TMPPE: variants seen among roughly 807,000 people sequenced by gnomAD.
TMPPE encodes transmembrane protein with metallophosphoesterase domain.
TMPPE carries 16 observed loss-of-function variants against 22.6 expected under a neutral mutation model. That is an observed-to-expected ratio of 0.71 (90% CI 0.48 to 1.08). TMPPE has a LOEUF of 1.08. Among genes scored for constraint, TMPPE ranks in the 50% least tolerant of loss-of-function variants. TMPPE has a pLI of 0.00. For missense variants in TMPPE, 526 were observed against 584.3 expected (o/e 0.90, Z 1.03); for synonymous variants, 240 against 245.3 (o/e 0.98, Z 0.20).
At position 33,091,640 on chromosome 3, in the gene TMPPE, C is replaced by T. The variant is rs1700767496; in HGVS notation, c.*1194G>A. 3 of 984,254 alleles carry T rather than the reference C, an allele frequency of 3.0e-6. No individual in the cohort carries two copies. The highest frequency in any genetic ancestry group is 5.2e-4 in the Middle Eastern group (1 of 1,910). The allele number at this position is 984,254 out of a possible 1,614,324, so 61.0% of individuals were successfully genotyped here. A position where few individuals can be genotyped will look rare whatever the true frequency, so the allele number is the denominator to read the frequency against. ...TGACAAAACAATCTTGAGGTAGATACGATAATTATCCCCATTTTAGGGTTG... is the reference window on the plus strand; with the variant it reads ...TGACAAAACAATCTTGAGGTAGATATGATAATTATCCCCATTTTAGGGTTG... On this transcript the variant is annotated 3_prime_UTR_variant, in exon 2 of 2. Transcript: ENST00000342462.
intron 1 of TMPPE, among the ~76,000 whole-genome samples, chr3:33,095,361 C>T (rs1700977987): frequency 1.3e-5 from 2 of 149,034 alleles, no homozygotes; most frequent in Non-Finnish European, 3.0e-5. Context: ...ACTAAAAATA[C>T]AAAAAAAGAA....
At position 33,096,796 on chromosome 3, in the gene TMPPE, C is replaced by A; in HGVS notation, c.-186G>T. 7.4e-7 allele frequency: 1 copy of A among 1,348,870 alleles called. No homozygotes were observed. Among genetic ancestry groups the A allele is most frequent in the Non-Finnish European group, 9.5e-7 (1 of 1,054,660 alleles). The allele number at this position is 1,348,870 out of a possible 1,614,324, so 83.6% of individuals were successfully genotyped here. A position where few individuals can be genotyped will look rare whatever the true frequency, so the allele number is the denominator to read the frequency against. On this transcript the variant is annotated 5_prime_UTR_variant, in exon 1 of 2. Coordinates refer to ENST00000342462, the MANE Select transcript of TMPPE (RefSeq NM_001039770.3). The stretch of plus-strand genomic sequence containing the variant: ...GGCCGGAGCGGAACGCACAAGCGAC[C>A]GAGCTGCCTGGAAGGACGCGCGCCC...
At position 33,093,607 on chromosome 3, in the gene TMPPE, T is replaced by C. The variant is rs1449115194; in HGVS notation, c.589A>G (p.Ile197Val). ...TTCATTGAGGCAGGCAGCTGATGGATGGGCACCTCCACAGTTTTCACAGCC... is the reference window on the plus strand; with the variant it reads ...TTCATTGAGGCAGGCAGCTGATGGACGGGCACCTCCACAGTTTTCACAGCC... ...PPAVKTVEVP[I>V]HQLPASMNNL... The change falls in exon 2 of 2, where the codon ATC becomes GTC. Residue 197 changes from isoleucine to valine, a missense_variant. Transcript: ENST00000342462. The surrounding 1 kb of genome is among the most constrained non-coding windows in gnomAD (Gnocchi z 6.0). 1.9e-6 allele frequency: 3 copies of C among 1,614,132 alleles called. No individual in the cohort carries two copies. Among genetic ancestry groups the C allele is most frequent in the Non-Finnish European group, 8.5e-7 (1 of 1,180,008 alleles).
Position 33,096,888 on chromosome 3 carries a change from G to C in TMPPE, c.-278C>G. On this transcript the variant is annotated 5_prime_UTR_variant, in exon 1 of 2. Coordinates refer to ENST00000342462, the MANE Select transcript of TMPPE (RefSeq NM_001039770.3). The stretch of plus-strand genomic sequence containing the variant: ...CGTTCCGCCGGCCGCGAGCCTGCTG[G>C]GGGGCACTTCGGGGCTCAGGCTCCC... 6.7e-7 allele frequency: 1 copy of C among 1,484,478 alleles called. No individual in the cohort carries two copies. Among genetic ancestry groups the C allele is most frequent in the East Asian group, 2.8e-5 (1 of 35,118 alleles). The allele number at this position is 1,484,478 out of a possible 1,614,324, so 92.0% of individuals were successfully genotyped here.
In TMPPE at chr3:33,097,064, T is replaced by G. The variant is rs374616396; in HGVS notation, c.-454A>C. ...AGCAGAACCAGCAACAGAGGGAGGA[T>G]GCGAACCAGGAACCCCGGCATGACC... On this transcript the variant is annotated 5_prime_UTR_variant, in exon 1 of 2. Coordinates refer to ENST00000342462, the MANE Select transcript of TMPPE (RefSeq NM_001039770.3). The G allele has an allele frequency of 6.2e-7, 1 of 1,612,464 alleles. No individual in the cohort carries two copies. The highest frequency in any genetic ancestry group is 1.1e-5 in the South Asian group (1 of 90,944).
chr3:33,096,399 C>T (rs1440378503), intron 1 of TMPPE: 2 of 479,918 alleles, frequency 4.2e-6, no homozygotes, highest in Non-Finnish European at 5.4e-6. Flanking sequence ...CCTGCCTATT[C>T]CCCCCCTCAA....
In TMPPE at chr3:33,093,120, C is replaced by T; in HGVS notation, c.1076G>A (p.Ser359Asn). The T allele has an allele frequency of 6.2e-7, 1 of 1,614,204 alleles. No homozygotes were observed. The highest frequency in any genetic ancestry group is 8.5e-7 in the Non-Finnish European group (1 of 1,180,034). Residue 359 changes from serine to asparagine, a missense_variant, in exon 2 of 2, where the codon AGC (serine) becomes AAC (asparagine). By Grantham distance (46) the Ser-to-Asn change is conservative (BLOSUM62 1). Transcript: ENST00000342462. The surrounding 1 kb of genome is among the most constrained non-coding windows in gnomAD (Gnocchi z 6.0). ...TAGCAAGATGATTGTGTGGTCTGGG[C>T]TGCAGCCCTCCAGGGCCTTGTCAAG... is the stretch of plus-strand genomic sequence containing the variant. ...MDLDKALEGC[S>N]PDHTIILLAH...
rs377717944 is a variant in TMPPE, at chr3:33,096,759, A to C, written c.-149T>G. On this transcript the variant is annotated 5_prime_UTR_variant, in exon 1 of 2. Transcript: ENST00000342462. ...CGTTACAGATGGGGAAGTGGATCCA[A>C]GCGCAAAGGGCGGCCGGAGCGGAAC... 1 of 1,315,816 alleles carries C rather than the reference A, an allele frequency of 7.6e-7. No individual in the cohort carries two copies. The highest frequency in any genetic ancestry group is 9.6e-7 in the Non-Finnish European group (1 of 1,036,680). 81.5% of individuals were successfully genotyped at this position (1,315,816 alleles called of 1,614,324 possible). A position where few individuals can be genotyped will look rare whatever the true frequency, so the allele number is the denominator to read the frequency against.
At position 33,097,095 on chromosome 3, in the gene TMPPE, C is replaced by A; in HGVS notation, c.-485G>T. On this transcript the variant is annotated 5_prime_UTR_variant, in exon 1 of 2. Coordinates refer to ENST00000342462, the MANE Select transcript of TMPPE (RefSeq NM_001039770.3). ...CCAGGAACCCCGGCATGACCACCAG[C>A]CTCCCGGCTCTGCAGTCGGCGCCCA... 6.2e-7 allele frequency: 1 copy of A among 1,612,136 alleles called. No individual in the cohort carries two copies. The highest frequency in any genetic ancestry group is 1.1e-5 in the South Asian group (1 of 90,858).
Position 33,091,556 on chromosome 3 carries a change from T to C in TMPPE, c.*1278A>G. On this transcript the variant is annotated 3_prime_UTR_variant, in exon 2 of 2. Transcript: ENST00000342462. ...GGAACGTTGAAAAATTAACATTGAGTGTTTACTGTGCACGCTGTGCCATGT... is the reference window on the plus strand; with the variant it reads ...GGAACGTTGAAAAATTAACATTGAGCGTTTACTGTGCACGCTGTGCCATGT... 1.0e-6 allele frequency: 1 copy of C among 985,410 alleles called. No homozygotes were observed. The highest frequency in any genetic ancestry group is 1.2e-6 in the Non-Finnish European group (1 of 829,934). The allele number at this position is 985,410 out of a possible 1,614,324, so 61.0% of individuals were successfully genotyped here. A position where few individuals can be genotyped will look rare whatever the true frequency, so the allele number is the denominator to read the frequency against.
rs1700771193 is a variant in TMPPE at position 33,091,715 on chromosome 3, ATGAG to A, written c.*1115_*1118del. ...AAAGTCACCCACCCAACGCTGCCCT[ATGAG>A]TGAGCAGCAGGGTTAGCCTCTCCAG... On this transcript the variant is annotated 3_prime_UTR_variant, in exon 2 of 2. Transcript: ENST00000342462. The A allele has an allele frequency of 1.0e-6, 1 of 985,334 alleles. No individual in the cohort carries two copies. Among genetic ancestry groups the A allele is most frequent in the Non-Finnish European group, 1.2e-6 (1 of 829,890 alleles). 61.0% of individuals were successfully genotyped at this position (985,334 alleles called of 1,614,324 possible).
intron 1 of TMPPE, 48 bp downstream of exon 1, chr3:33,096,671 C>A (rs1290168628): frequency 8.8e-7 from 1 of 1,137,992 alleles, no homozygotes; most frequent in Admixed American, 5.3e-5. Context: ...ACCCGCGCAA[C>A]TTGGAATCCC....
rs780710690 is a variant in TMPPE, at chr3:33,091,821, C to T, written c.*1013G>A. ...CTAAATCACCCAGCAGGAAACCAGCCCAGCCCTGTCTTCTCAGTGAGGCCT... is the reference window on the plus strand; with the variant it reads ...CTAAATCACCCAGCAGGAAACCAGCTCAGCCCTGTCTTCTCAGTGAGGCCT... On this transcript the variant is annotated 3_prime_UTR_variant, in exon 2 of 2. Transcript: ENST00000342462. The T allele has an allele frequency of 5.1e-6, 5 of 985,442 alleles. No individual in the cohort carries two copies. The highest frequency in any genetic ancestry group is 6.0e-6 in the Non-Finnish European group (5 of 830,010). 61.0% of individuals were successfully genotyped at this position (985,442 alleles called of 1,614,324 possible). A position where few individuals can be genotyped will look rare whatever the true frequency, so the allele number is the denominator to read the frequency against.
At chr3:33,096,662 C>G (rs1036341974) in intron 1 of TMPPE, 57 bp downstream of exon 1, 6 of 1,125,850 alleles carry the variant, frequency 5.3e-6, no homozygotes, top group Non-Finnish European at 6.5e-6. Context: ...CACCCTCTAA[C>G]CCGCGCAACT....
rs1396781889 is a variant in TMPPE, at chr3:33,091,798, A to G, written c.*1036T>C. 3.0e-6 allele frequency: 3 copies of G among 985,400 alleles called. No homozygotes were observed. Among genetic ancestry groups the G allele is most frequent in the South Asian group, 4.7e-5 (1 of 21,286 alleles). The allele number at this position is 985,400 out of a possible 1,614,324, so 61.0% of individuals were successfully genotyped here. On this transcript the variant is annotated 3_prime_UTR_variant, in exon 2 of 2. Coordinates refer to ENST00000342462, the MANE Select transcript of TMPPE (RefSeq NM_001039770.3). ...GAGGAAGACTTTCCATCACAAGCCT[A>G]AATCACCCAGCAGGAAACCAGCCCA...
At position 33,093,785 on chromosome 3, in the gene TMPPE, G is replaced by T. The variant is rs1182211179; in HGVS notation, c.411C>A (p.Gly137=). 6.2e-7 allele frequency: 1 copy of T among 1,613,260 alleles called. No homozygotes were observed. The highest frequency in any genetic ancestry group is 8.5e-7 in the Non-Finnish European group (1 of 1,179,686). ...IMLFFLFILS[G]MEQAYQLLAW... is the part of the protein sequence containing the mutation. ...CCAAGAGCTGGTAGGCCTGCTCCAT[G>T]CCGCTGAGGATGAAGAGGAAGAAGA... Residue 137 remains glycine, a synonymous_variant, in exon 2 of 2, where the codon GGC becomes GGA. Transcript: ENST00000342462. The surrounding 1 kb of genome is among the most constrained non-coding windows in gnomAD (Gnocchi z 6.0).
rs941019416 is a variant in TMPPE at position 33,096,732 on chromosome 3, C to G, written c.-122G>C. 4 of 1,286,602 alleles carry G rather than the reference C, an allele frequency of 3.1e-6. No homozygotes were observed. The Admixed American group carries it at 1.3e-4, about 43-fold the overall frequency. The allele number at this position is 1,286,602 out of a possible 1,614,324, so 79.7% of individuals were successfully genotyped here. On this transcript the variant is annotated 5_prime_UTR_variant, in exon 1 of 2. Coordinates refer to ENST00000342462, the MANE Select transcript of TMPPE (RefSeq NM_001039770.3). Reference sequence around the variant, plus strand: ...GTTTACACGCACCTCGTCTCAACACCTCGTTACAGATGGGGAAGTGGATCC... The same window carrying G: ...GTTTACACGCACCTCGTCTCAACACGTCGTTACAGATGGGGAAGTGGATCC...
Position 33,092,691 on chromosome 3 carries a change from CTGTT to C in TMPPE, c.*139_*142del, listed in dbSNP as rs1700815479. On this transcript the variant is annotated 3_prime_UTR_variant, in exon 2 of 2. Transcript: ENST00000342462. ...TGCCAGGCAGGCCCACCATAAGTCA[CTGTT>C]TGAGTCAGGCTTGTGACCAAGGGTG... 3.5e-6 allele frequency: 5 copies of C among 1,433,376 alleles called. No individual in the cohort carries two copies. In the East Asian group the frequency reaches 7.2e-5, roughly 21 times the overall value. 88.8% of individuals were successfully genotyped at this position (1,433,376 alleles called of 1,614,324 possible).
chr3:33,094,386 G>A, intron 1 of TMPPE, 83 bp from the exon 2 acceptor site: 1 of 1,351,920 alleles, frequency 7.4e-7, no homozygotes, highest in Non-Finnish European at 9.6e-7. Context: ...ACTTACATCT[G>A]CCCAACCCAC....
Sources: gnomAD v4.1 joint callset for allele counts (sites outside exome capture counted in the v4.1 genomes callset) on GRCh38, gnomAD v4.1.1 for gene constraint, Gnocchi (gnomAD v3.1) non-coding constraint, MANE v1.5 for transcripts, NCBI Gene and HGNC (gene_info 2026-07-23, HGNC 2026-07-21) for gene names.